SASH1: variants seen among roughly 807,000 people sequenced by gnomAD.
SASH1 encodes the protein SAM and SH3 domain containing 1.
In SASH1, 44 loss-of-function variants were observed where a neutral mutation model predicts 125.2. The ratio of observed to expected loss-of-function variants is 0.35; its 90% CI spans 0.28 to 0.45. The LOEUF is 0.45. Among genes scored for constraint, SASH1 ranks in the 20% least tolerant of loss-of-function variants. The pLI, the probability that SASH1 is intolerant of heterozygous loss-of-function variation, is 1.00. For synonymous variants in SASH1, 639 were observed against 649.1 expected (o/e 0.98, Z 0.24); for missense variants, 1,426 against 1,614.5 (o/e 0.88, Z 2.00).
At chr6:148,434,353 G>A (rs1267929159) in intron 2 of SASH1, among the ~76,000 whole-genome samples, 2 of 152,098 alleles carry the variant, frequency 1.3e-5, no homozygotes, top group Admixed American at 1.3e-4. Flanking sequence ...GGGATTACAG[G>A]CATGAGCCAC....
the SASH1 span, among the ~76,000 whole-genome samples, chr6:148,231,535 G>C: frequency 6.6e-6 from 1 of 152,102 alleles, no homozygotes; most frequent in Non-Finnish European, 1.5e-5. Flanking sequence ...TGGATCCAGA[G>C]GACATTAGAA....
At chr6:148,434,677 A>T (rs891043825) in intron 2 of SASH1, among the ~76,000 whole-genome samples, 6 of 152,190 alleles carry the variant, frequency 3.9e-5, no homozygotes, top group African/African-American at 1.4e-4. Context: ...CTATAGGTCA[A>T]ATTTCAAAAT....
intron 8 of SASH1, among the ~76,000 whole-genome samples, chr6:148,491,142 T>C (rs1427524570): frequency 6.6e-6 from 1 of 152,258 alleles, no homozygotes; most frequent in African/African-American, 2.4e-5. Flanking sequence ...TCAAAATTGG[T>C]TGTACATATT....
the SASH1 span, among the ~76,000 whole-genome samples, chr6:148,257,266 A>G: frequency 6.6e-6 from 1 of 152,180 alleles, no homozygotes; most frequent in African/African-American, 2.4e-5. Context: ...AAGGGCAGGC[A>G]TCAGATCTCT....
At chr6:148,428,916 G>A (rs1327287060) in intron 2 of SASH1, among the ~76,000 whole-genome samples, 2 of 152,090 alleles carry the variant, frequency 1.3e-5, no homozygotes, top group East Asian at 1.9e-4. Flanking sequence ...CTTATACCAG[G>A]CCAAGAGCTT....
chr6:148,513,291 G>GTT (rs1780256546), intron 8 of SASH1: 1 of 985,334 alleles, frequency 1.0e-6, no homozygotes, highest in Non-Finnish European at 1.2e-6. Context: ...ATGGAGAGAA[G>GTT]GTTGTTGTCA....
chr6:148,220,866 G>A, the SASH1 span, among the ~76,000 whole-genome samples: 1 of 152,088 alleles, frequency 6.6e-6, no homozygotes, highest in African/African-American at 2.4e-5. Context: ...GTGAGCCGAG[G>A]TCGTGCCACT....
intron 4 of SASH1, among the ~76,000 whole-genome samples, chr6:148,442,803 T>G (rs778204041): frequency 2.0e-5 from 3 of 152,078 alleles, no homozygotes; most frequent in Non-Finnish European, 2.9e-5. Flanking sequence ...AGAGGGAGTA[T>G]CGCTCTGTCG....
chr6:148,368,260 C>T (rs567181087), intron 1 of SASH1, among the ~76,000 whole-genome samples: 44 of 151,668 alleles, frequency 2.9e-4, no homozygotes, highest in African/African-American at 1.0e-3. Context: ...GGATTTGAAG[C>T]CAGGATCTGC....
intron 1 of SASH1, among the ~76,000 whole-genome samples, chr6:148,356,494 C>CTTTTTTTTT (rs57183555): frequency 0.012 from 1,400 of 115,840 alleles, 100 homozygotes; most frequent in African/African-American, 0.03. Context: ...ACTTTTAGTT[C>CTTTTTTTTT]TTTTTTTTTT....
chr6:148,381,956 A>G (rs1783157371), intron 1 of SASH1, among the ~76,000 whole-genome samples: 1 of 151,984 alleles, frequency 6.6e-6, no homozygotes, highest in African/African-American at 2.4e-5. Context: ...CTCTTCTAAT[A>G]TGCTATGTGA....
intron 1 of SASH1, among the ~76,000 whole-genome samples, chr6:148,315,533 T>C (rs112366585): frequency 3.9e-5 from 6 of 152,138 alleles, no homozygotes; most frequent in Non-Finnish European, 7.4e-5. Flanking sequence ...AGTTGATCAG[T>C]TTTATATAAA....
At chr6:148,426,322 G>A (rs924317333) in intron 2 of SASH1, among the ~76,000 whole-genome samples, 1 of 152,136 alleles carries the variant, frequency 6.6e-6, no homozygotes, top group Non-Finnish European at 1.5e-5. Context: ...ACCGCTGTGG[G>A]GAAAGGGGTC....
intron 1 of SASH1, among the ~76,000 whole-genome samples, chr6:148,384,286 T>C (rs1783270564): frequency 6.6e-6 from 1 of 152,116 alleles, no homozygotes; most frequent in Admixed American, 6.6e-5. Context: ...TTAAGTTTAA[T>C]GCCAGAGAAC....
intron 2 of SASH1, among the ~76,000 whole-genome samples, chr6:148,405,591 G>A (rs1193742424): frequency 1.3e-5 from 2 of 151,956 alleles, no homozygotes; most frequent in Non-Finnish European, 2.9e-5. Context: ...TCTGGCCTTT[G>A]TTCCCTCCTC....
chr6:148,270,903 ACT>A (rs1779046828), upstream of SASH1, among the ~76,000 whole-genome samples: 1 of 142,922 alleles, frequency 7.0e-6, no homozygotes, highest in African/African-American at 2.6e-5. Context: ...CTCATCCACA[ACT>A]TTTTTTTTTT....
At chr6:148,322,929 C>CTCTCT (rs1554234555) in intron 1 of SASH1, among the ~76,000 whole-genome samples, 2 of 121,646 alleles carry the variant, frequency 1.6e-5, no homozygotes, top group Non-Finnish European at 1.8e-5. Flanking sequence ...TTCTTTCTCT[C>CTCTCT]TTTCTTTTCC....
At chr6:148,484,592 TAGAG>T (rs1031711603) in intron 7 of SASH1, among the ~76,000 whole-genome samples, 6 of 143,942 alleles carry the variant, frequency 4.2e-5, no homozygotes, top group East Asian at 2.0e-4. Flanking sequence ...AAAAAAAAAA[TAGAG>T]AGCTTGTTTT....
At chr6:148,295,636 C>T (rs1193619568) in intron 1 of SASH1, among the ~76,000 whole-genome samples, 1 of 152,222 alleles carries the variant, frequency 6.6e-6, no homozygotes, top group Non-Finnish European at 1.5e-5. Flanking sequence ...AGAGTTATCT[C>T]GGCAGCCTGT....
Sources: allele counts gnomAD v4.1 joint callset (sites outside exome capture counted in the v4.1 genomes callset), GRCh38; gene constraint gnomAD v4.1.1; transcripts MANE v1.5; gene names NCBI Gene and HGNC (gene_info 2026-07-23, HGNC 2026-07-21).